Variants in TRAK1 observed in about 807,000 individuals in gnomAD.
The protein encoded by TRAK1 is trafficking kinesin protein 1, also known as trafficking kinesin-binding protein 1.
In TRAK1, 33 loss-of-function variants were observed where a neutral mutation model predicts 92.1. The ratio of observed to expected loss-of-function variants is 0.36; its 90% confidence interval spans 0.27 to 0.48. TRAK1 has a LOEUF of 0.48. Among genes scored for constraint, TRAK1 ranks in the 20% least tolerant of loss-of-function variants. The pLI is 0.99. For missense variants in TRAK1, 1,123 were observed against 1,257.9 expected (o/e 0.89, Z 1.62); for synonymous variants, 521 against 517.3 (o/e 1.01, Z -0.10).
chr3:42,198,779 A>C (rs1576962380), intron 10 of TRAK1, among the ~76,000 whole-genome samples: 2 of 151,740 alleles, frequency 1.3e-5, no homozygotes, highest in East Asian at 1.9e-4. Flanking sequence ...GCCATATCTC[A>C]CTGTAAGCTC....
Position 42,072,569 on chromosome 3 carries a change from T to TTC in TRAK1, c.-518-14535_-518-14534insTC, listed in dbSNP as rs542400640. The stretch of plus-strand genomic sequence containing the variant: ...AGTGTGCAGCTTTTTTTTTTTTCTT[T>TTC]CTCTTTTTCTTCCTCATTTTGGGAG... On this transcript the variant is annotated intron_variant, in intron 1 of 16. Coordinates refer to the TRAK1 transcript ENST00000487159. 1.3e-3 allele frequency among the ~76,000 whole-genome samples: 187 copies of TTC among 146,810 alleles called. 4 individuals are homozygous for TTC. Among genetic ancestry groups the TTC allele is most frequent in the South Asian group, 6.3e-3 (29 of 4,606 alleles).
intron 2 of TRAK1, among the ~76,000 whole-genome samples, chr3:42,137,002 G>C (rs1235138809): frequency 6.6e-6 from 1 of 152,124 alleles, no homozygotes; most frequent in Non-Finnish European, 1.5e-5. Context: ...TATCACAAAA[G>C]TATGCTGATT....
chr3:42,204,201 ACTTTT>A (rs1377333054), intron 13 of TRAK1: 2 of 985,578 alleles, frequency 2.0e-6, no homozygotes, highest in East Asian at 1.1e-4. Context: ...TTTCTGCCTT[ACTTTT>A]CTTTTTTCTC....
intron 1 of TRAK1, among the ~76,000 whole-genome samples, chr3:42,042,127 A>G (rs1030691526): frequency 1.3e-5 from 2 of 152,062 alleles, no homozygotes; most frequent in African/African-American, 4.8e-5. Context: ...GGGTTTCGCC[A>G]TGTTGGCCAG....
chr3:42,073,055 C>T (rs1009602702), intron 1 of TRAK1, among the ~76,000 whole-genome samples: 5 of 152,312 alleles, frequency 3.3e-5, no homozygotes, highest in East Asian at 3.9e-4. Flanking sequence ...AGGACAGACA[C>T]GCATGACAGC....
chr3:42,211,788 C>T (rs1278436140), intron 14 of TRAK1: 4 of 985,316 alleles, frequency 4.1e-6, no homozygotes, highest in Non-Finnish European at 4.8e-6. Flanking sequence ...TAAACACTGA[C>T]ATTTTTCTTG....
intron 6 of TRAK1, among the ~76,000 whole-genome samples, chr3:42,189,846 T>TA (rs778624106): frequency 9.9e-5 from 15 of 152,220 alleles, no homozygotes; most frequent in Admixed American, 3.3e-4. Context: ...ATATATTTCT[T>TA]AAACAATTAA....
chr3:42,063,269 G>A (rs1045896025), intron 1 of TRAK1, among the ~76,000 whole-genome samples: 3 of 152,238 alleles, frequency 2.0e-5, no homozygotes, highest in African/African-American at 7.2e-5. Flanking sequence ...CCGCTTCGCG[G>A]GAAAAGTTTG....
In TRAK1 at chr3:42,200,951, G is replaced by A. The variant is rs200470888; in HGVS notation, c.1324G>A (p.Val442Ile). 4.4e-5 allele frequency: 71 copies of A among 1,614,014 alleles called. No individual in the cohort carries two copies. The highest frequency in any genetic ancestry group is 5.3e-5 in the Non-Finnish European group (62 of 1,180,032). The change falls in exon 12 of 16, where the codon GTC becomes ATC. Residue 442 changes from valine to isoleucine, a missense_variant. By Grantham distance (29) the Val-to-Ile change is conservative. Around this residue, in one of 3 missense-constraint regions of TRAK1, gnomAD observed 686 missense variants for 747.6 expected, o/e 0.92. Coordinates refer to ENST00000327628, the MANE Select transcript of TRAK1 (RefSeq NM_001042646.3). ...CATGAACTCCCTCCTGTCCAGCTGC[G>A]TCAGCACCCCCCGGTCCAGCTTCTA... Reference protein sequence around the residue: ...SAMNSLLSSCVSTPRSSFYGS... With the variant: ...SAMNSLLSSCISTPRSSFYGS...
chr3:42,152,210 G>A (rs1409535264), intron 2 of TRAK1, among the ~76,000 whole-genome samples: 2 of 152,086 alleles, frequency 1.3e-5, no homozygotes, highest in African/African-American at 2.4e-5. Context: ...CTGCTCCCCC[G>A]CCCCCAGAGG....
intron 1 of TRAK1, among the ~76,000 whole-genome samples, chr3:42,063,531 CA>C (rs1395464857): frequency 5.3e-5 from 8 of 152,072 alleles, no homozygotes; most frequent in Non-Finnish European, 8.8e-5. Context: ...ACAAAAATTA[CA>C]AAAACTAGCC....
intron 10 of TRAK1, among the ~76,000 whole-genome samples, chr3:42,198,644 C>G (rs1438810532): frequency 6.6e-6 from 1 of 152,044 alleles, no homozygotes; most frequent in African/African-American, 2.4e-5. Context: ...GAAAGGCTTC[C>G]CCAGGAGCCG....
At chr3:42,084,053 A>G (rs1467989855), upstream of TRAK1, among the ~76,000 whole-genome samples, 7 of 151,502 alleles carry the variant, frequency 4.6e-5, no homozygotes, top group African/African-American at 1.5e-4. Context: ...TTTTTCATTG[A>G]TTTTGTCTGG....
chr3:42,036,497 G>C (rs984663823), intron 1 of TRAK1, among the ~76,000 whole-genome samples: 1 of 151,952 alleles, frequency 6.6e-6, no homozygotes, highest in African/African-American at 2.4e-5. Context: ...GTGGGTACTG[G>C]CTCATTGGAG....
chr3:42,201,227 G>A (rs1423251903), intron 12 of TRAK1, among the ~76,000 whole-genome samples, 173 bp downstream of exon 12: 1 of 152,196 alleles, frequency 6.6e-6, no homozygotes, highest in Non-Finnish European at 1.5e-5. Context: ...CGGAGACCGA[G>A]GCGGGAGGAT....
At chr3:42,068,516 G>A (rs1703775595) in intron 1 of TRAK1, among the ~76,000 whole-genome samples, 1 of 152,088 alleles carries the variant, frequency 6.6e-6, no homozygotes, top group African/African-American at 2.4e-5. Flanking sequence ...CAGTGCCTTG[G>A]GCATAAAGAG....
chr3:42,027,224 T>C (rs1330258387), intron 1 of TRAK1, among the ~76,000 whole-genome samples: 1 of 152,182 alleles, frequency 6.6e-6, no homozygotes, highest in Non-Finnish European at 1.5e-5. Flanking sequence ...CAGAAGTACA[T>C]TTTCAGAAAA....
At chr3:42,167,092 G>T (rs1446387621) in intron 2 of TRAK1, among the ~76,000 whole-genome samples, 2 of 152,244 alleles carry the variant, frequency 1.3e-5, no homozygotes, top group East Asian at 3.8e-4. Flanking sequence ...CTCCTCCCAA[G>T]TAAGAGGCGC....
At position 42,167,712 on chromosome 3, in the gene TRAK1, C is replaced by G. The variant is rs543181580; in HGVS notation, c.287-9102C>G. On this transcript the variant is annotated intron_variant, in intron 2 of 15. Coordinates refer to ENST00000327628, the MANE Select transcript of TRAK1 (RefSeq NM_001042646.3). ...TGGCTAACATGATGAAACCCTGTCT[C>G]TACTAAAAATACAAAAAATTAGCTG... is the stretch of plus-strand genomic sequence containing the variant. Among the ~76,000 whole-genome samples, 22 of 152,228 alleles carry G rather than the reference C, an allele frequency of 1.4e-4. No individual in the cohort carries two copies. In the South Asian group the frequency reaches 1.9e-3, roughly 13 times the overall value.
Sources: allele counts gnomAD v4.1 joint callset (sites outside exome capture counted in the v4.1 genomes callset), GRCh38; gene constraint gnomAD v4.1.1; regional missense constraint gnomAD v4.1.1; transcripts MANE v1.5; gene names NCBI Gene and HGNC (gene_info 2026-07-23, HGNC 2026-07-21).